Variants in IL13RA1 observed in about 807,000 individuals in gnomAD.
IL13RA1 encodes the protein interleukin-13 receptor subunit alpha-1.
Under a neutral mutation model 33.8 loss-of-function variants are expected in IL13RA1, and 14 were observed. That is an observed-to-expected ratio of 0.41 (90% CI 0.27 to 0.65). IL13RA1 has a LOEUF of 0.65. IL13RA1 is among the 30% of genes least tolerant of loss of function. IL13RA1 has a pLI of 0.28. For synonymous variants in IL13RA1, 116 were observed against 115.7 expected (o/e 1.00, Z -0.02); for missense variants, 313 against 327.0 (o/e 0.96, Z 0.33).
chrX:118,772,284 C>T (rs182793802), intron 8 of IL13RA1, among the ~76,000 whole-genome samples: 3 of 112,606 alleles, frequency 2.7e-5, no homozygotes, highest in Admixed American at 9.3e-5. Flanking sequence ...CGTGCGCACA[C>T]GTGCGTACTT....
intron 8 of IL13RA1, among the ~76,000 whole-genome samples, chrX:118,772,499 T>A (rs1166906810): frequency 8.9e-6 from 1 of 112,483 alleles, no homozygotes; most frequent in Non-Finnish European, 1.9e-5. Context: ...TTTTATCGAT[T>A]GACTAACATC....
intron 1 of IL13RA1, among the ~76,000 whole-genome samples, chrX:118,740,008 T>C (rs946649864): frequency 2.7e-5 from 3 of 112,347 alleles, no homozygotes; most frequent in African/African-American, 9.7e-5. Flanking sequence ...TGGCATGATC[T>C]TGGCTCACTG....
intron 2 of IL13RA1, among the ~76,000 whole-genome samples, chrX:118,744,349 A>G (rs765325167): frequency 5.4e-5 from 6 of 111,603 alleles, no homozygotes; most frequent in African/African-American, 6.5e-5. Flanking sequence ...GTTATTATTC[A>G]TATGCCTGAA....
intron 4 of IL13RA1, among the ~76,000 whole-genome samples, chrX:118,755,897 C>T (rs763196437): frequency 2.1e-4 from 23 of 111,977 alleles, no homozygotes; most frequent in Non-Finnish European, 3.4e-4. Context: ...AACCACAGGG[C>T]GCTGCAACTA....
chrX:118,774,932 G>A (rs1371249584), intron 9 of IL13RA1, among the ~76,000 whole-genome samples: 1 of 110,950 alleles, frequency 9.0e-6, no homozygotes, highest in Non-Finnish European at 1.9e-5. Flanking sequence ...TTGTGAACCA[G>A]GTACTGTTCT....
At chrX:118,777,072 C>T (rs1389653742) in intron 10 of IL13RA1, among the ~76,000 whole-genome samples, 1 of 108,626 alleles carries the variant, frequency 9.2e-6, no homozygotes, top group Non-Finnish European at 1.9e-5. Context: ...GTACAACCAT[C>T]GCCACTATCT....
the IL13RA1 span, among the ~76,000 whole-genome samples, chrX:118,804,394 TACACACAC>T: frequency 3.2e-4 from 29 of 89,699 alleles, no homozygotes; most frequent in East Asian, 1.8e-3. Flanking sequence ...CAGCCATGCA[TACACACAC>T]ACACACACAC....
At chrX:118,800,452 G>A in the IL13RA1 span, among the ~76,000 whole-genome samples, 1 of 110,472 alleles carries the variant, frequency 9.1e-6, no homozygotes, top group African/African-American at 3.3e-5. Context: ...GCTACCTTAA[G>A]AGCTGTAACA....
At chrX:118,764,083 G>A (rs1035310563) in intron 6 of IL13RA1, among the ~76,000 whole-genome samples, 2 of 109,489 alleles carry the variant, frequency 1.8e-5, no homozygotes, top group Non-Finnish European at 3.8e-5. Flanking sequence ...GGAAGTAAGC[G>A]GGAACATGAA....
At chrX:118,770,178 C>T (rs750378595) in intron 8 of IL13RA1, 10 of 276,207 alleles carry the variant, frequency 3.6e-5, no homozygotes, top group East Asian at 3.0e-4. Context: ...TCCGCGACAA[C>T]GCGCAGCTGA....
chrX:118,774,651 C>T (rs1258456202), intron 9 of IL13RA1, among the ~76,000 whole-genome samples: 1 of 112,123 alleles, frequency 8.9e-6, no homozygotes, highest in Non-Finnish European at 1.9e-5. Context: ...AATAAAATGA[C>T]TTGTCTGGTA....
intron 1 of IL13RA1, among the ~76,000 whole-genome samples, chrX:118,734,297 T>C (rs1184347913): frequency 1.8e-5 from 2 of 112,104 alleles, no homozygotes; most frequent in African/African-American, 6.5e-5. Flanking sequence ...TTACATCTTA[T>C]TTTAACTGGA....
intron 8 of IL13RA1, chrX:118,770,674 C>T (rs1170956274): frequency 1.3e-5 from 5 of 385,400 alleles, no homozygotes; most frequent in Admixed American, 2.9e-5. Context: ...CTACCTGGTG[C>T]GTGCATTTGG....
chrX:118,766,539 G>A lies in IL13RA1; in HGVS notation c.838G>A (p.Ala280Thr). Reference sequence around the variant, plus strand: ...TATTTTTATTTTCAAGGTCCAAGAGGCTAAATGTGAGAATCCAGAATTTGA... The same window carrying A: ...TATTTTTATTTTCAAGGTCCAAGAGACTAAATGTGAGAATCCAGAATTTGA... ...ETHNVFYVQEAKCENPEFERN... is the reference protein window; with the variant it reads ...ETHNVFYVQETKCENPEFERN... Residue 280 changes from alanine (A) to threonine (T), a missense_variant, in exon 7 of 11, where the codon GCT becomes ACT. Transcript: ENST00000371666. The A allele has an allele frequency of 9.7e-7, 1 of 1,032,304 alleles. No homozygotes were observed. Among genetic ancestry groups the A allele is most frequent in the Non-Finnish European group, 1.4e-6 (1 of 733,249 alleles). 85.1% of individuals were successfully genotyped at this position (1,032,304 alleles called of 1,213,427 possible). A position where few individuals can be genotyped will look rare whatever the true frequency, so the allele number is the denominator to read the frequency against.
chrX:118,799,339 C>T (rs749592696), downstream of IL13RA1, among the ~76,000 whole-genome samples: 68 of 113,299 alleles, frequency 6.0e-4, 1 homozygote, highest in Admixed American at 1.5e-3. Flanking sequence ...CTGAGGAATG[C>T]GAGCGCACAG....
chrX:118,799,141 C>T (rs370700179), downstream of IL13RA1, among the ~76,000 whole-genome samples: 538 of 113,114 alleles, frequency 4.8e-3, 4 homozygotes, highest in African/African-American at 0.016. Context: ...CCAGCAGTGC[C>T]GGCCCACCGG....
chrX:118,771,104 A>T (rs2017714409), intron 8 of IL13RA1, among the ~76,000 whole-genome samples: 1 of 111,832 alleles, frequency 8.9e-6, no homozygotes, highest in Non-Finnish European at 1.9e-5. Context: ...CTCCTTCATG[A>T]TGCTGAGATG....
At chrX:118,777,469 T>C (rs1323622533) in intron 10 of IL13RA1, among the ~76,000 whole-genome samples, 1 of 111,951 alleles carries the variant, frequency 8.9e-6, no homozygotes, top group Non-Finnish European at 1.9e-5. Context: ...CTCCATTCTC[T>C]CTCTGGTTAG....
At chrX:118,790,164 C>T (rs1287989043) in intron 10 of IL13RA1, among the ~76,000 whole-genome samples, 2 of 111,829 alleles carry the variant, frequency 1.8e-5, no homozygotes, top group Admixed American at 9.5e-5. Flanking sequence ...CTCTGTTAAT[C>T]GCCTTGCAAA....
Sources: allele counts gnomAD v4.1 joint callset (sites outside exome capture counted in the v4.1 genomes callset), GRCh38; gene constraint gnomAD v4.1.1; transcripts MANE v1.5; gene names NCBI Gene and HGNC (gene_info 2026-07-23, HGNC 2026-07-21).